STAT1: variants seen among roughly 807,000 people sequenced by gnomAD.
The protein encoded by STAT1 is signal transducer and activator of transcription 1.
A neutral mutation model predicts 111.7 loss-of-function variants in STAT1; 24 were observed. The ratio of observed to expected loss-of-function variants is 0.21; its 90% CI spans 0.16 to 0.30. STAT1 has a LOEUF of 0.30. STAT1 is among the 10% of genes least tolerant of loss of function. STAT1 has a pLI of 1.00. For synonymous variants in STAT1, 332 were observed against 326.5 expected, an observed-to-expected ratio of 1.02 and a Z score of -0.18; for missense variants, 351 against 911.9, an observed-to-expected ratio of 0.38 and a Z score of 7.92.
At position 190,986,183 on chromosome 2, in the gene STAT1, C is replaced by T. The variant is rs547977662; in HGVS notation, c.1222-523G>A. ...CGAGTTAGGTAGAGCTTCCTAGCTA[C>T]GAGGCTTGCTGGATCACAAAGTGGT... is the stretch of plus-strand genomic sequence containing the variant. On this transcript the variant is annotated intron_variant, in intron 14 of 24. Coordinates refer to ENST00000361099, the MANE Select transcript of STAT1 (RefSeq NM_007315.4). This position sits in a 1 kb window ranked among gnomAD's most constrained non-coding sequence, Gnocchi z 5.0. Among the ~76,000 whole-genome samples, 4 of 152,188 alleles carry T rather than the reference C, an allele frequency of 2.6e-5. No individual in the cohort carries two copies. The highest frequency in any genetic ancestry group is 6.5e-5 in the Admixed American group (1 of 15,282).
In STAT1 at chr2:190,970,399, T is replaced by A. The variant is rs190542524; in HGVS notation, c.*304A>T. 32 of 466,810 alleles carry A rather than the reference T, an allele frequency of 6.9e-5. No individual in the cohort carries two copies. In the East Asian group the frequency reaches 1.3e-3, roughly 19 times the overall value. The allele number at this position is 466,810 out of a possible 1,614,324, so 28.9% of individuals were successfully genotyped here. Reference sequence around the variant, plus strand: ...TTGCTAGATGTTGCTTAACTTCTCCTTTCCCAAAGGACCCTCATTCTCGTC... The same window carrying A: ...TTGCTAGATGTTGCTTAACTTCTCCATTCCCAAAGGACCCTCATTCTCGTC... On this transcript the variant is annotated 3_prime_UTR_variant, in exon 25 of 25. Coordinates refer to ENST00000361099, the MANE Select transcript of STAT1 (RefSeq NM_007315.4). This position sits in a 1 kb window ranked among gnomAD's most constrained non-coding sequence, Gnocchi z 5.4.
chr2:190,999,851 C>G lies in STAT1; in HGVS notation c.463-147G>C. On this transcript the variant is annotated intron_variant, in intron 6 of 24. Transcript: ENST00000361099. The surrounding 1 kb of genome is among the most constrained non-coding windows in gnomAD (Gnocchi z 4.1). ...GAGATCTGACTTGGACAGTTCTAATCATATACATGAAATAATTTCGGTTTC... is the reference window on the plus strand; with the variant it reads ...GAGATCTGACTTGGACAGTTCTAATGATATACATGAAATAATTTCGGTTTC... The G allele has an allele frequency of 1.6e-6, 1 of 643,980 alleles. No individual in the cohort carries two copies. The highest frequency in any genetic ancestry group is 2.8e-6 in the Non-Finnish European group (1 of 361,762). 39.9% of individuals were successfully genotyped at this position (643,980 alleles called of 1,614,324 possible).
chr2:190,972,272 CAATT>C (rs1691545010), intron 24 of STAT1, among the ~76,000 whole-genome samples: 1 of 152,226 alleles, frequency 6.6e-6, no homozygotes, highest in South Asian at 2.1e-4. Flanking sequence ...AAGTAGTAGA[CAATT>C]AATAGCTAGT....
chr2:190,972,495 C>G (rs1471156797), intron 24 of STAT1, among the ~76,000 whole-genome samples: 1 of 152,150 alleles, frequency 6.6e-6, no homozygotes, highest in East Asian at 1.9e-4. Flanking sequence ...GGCGTTGGCC[C>G]CTGGTACCAC....
rs1693958316 is a variant in STAT1 at position 190,997,666 on chromosome 2, C to T, written c.785+190G>A. 6.6e-6 allele frequency among the ~76,000 whole-genome samples: 1 copy of T among 152,124 alleles called. No individual in the cohort carries two copies. Among genetic ancestry groups the T allele is most frequent in the Non-Finnish European group, 1.5e-5 (1 of 68,022 alleles). On this transcript the variant is annotated intron_variant, in intron 9 of 24. Coordinates refer to ENST00000361099, the MANE Select transcript of STAT1 (RefSeq NM_007315.4). This position sits in a 1 kb window ranked among gnomAD's most constrained non-coding sequence, Gnocchi z 7.3. ...TCCAAACCAAGCAGACGTGGCTGAA[C>T]GTGGCGAGAGTCATGAATAACACTG...
At position 190,970,835 on chromosome 2, in the gene STAT1, C is replaced by A; in HGVS notation, c.2239-118G>T. The A allele has an allele frequency of 1.0e-6, 1 of 962,984 alleles. No homozygotes were observed. The highest frequency in any genetic ancestry group is 1.3e-5 in the South Asian group (1 of 74,890). 59.7% of individuals were successfully genotyped at this position (962,984 alleles called of 1,614,324 possible). A position where few individuals can be genotyped will look rare whatever the true frequency, so the allele number is the denominator to read the frequency against. ...AGTAGTAGGAAGATACTTGCAATGG[C>A]AAATAAATACCGTGGAATAAGAGGG... On this transcript the variant is annotated intron_variant, in intron 24 of 24. Transcript: ENST00000361099. The surrounding 1 kb of genome is among the most constrained non-coding windows in gnomAD (Gnocchi z 5.4).
Position 190,979,692 on chromosome 2 carries a change from A to G in STAT1, c.1727+80T>C. On this transcript the variant is annotated intron_variant, in intron 20 of 24. Coordinates refer to ENST00000361099, the MANE Select transcript of STAT1 (RefSeq NM_007315.4). This position sits in a 1 kb window ranked among gnomAD's most constrained non-coding sequence, Gnocchi z 5.8. ...GAGATTCACACACGCCTAGTCAAAT[A>G]CTGAAGCTGGACTCAGGCCTTGTCT... 2 of 1,149,650 alleles carry G rather than the reference A, an allele frequency of 1.7e-6. No homozygotes were observed. Among genetic ancestry groups the G allele is most frequent in the Non-Finnish European group, 1.3e-6 (1 of 758,920 alleles). The allele number at this position is 1,149,650 out of a possible 1,614,324, so 71.2% of individuals were successfully genotyped here.
In STAT1 at chr2:190,986,280, A is replaced by C. The variant is rs41484944; in HGVS notation, c.1221+574T>G. On this transcript the variant is annotated intron_variant, in intron 14 of 24. Coordinates refer to ENST00000361099, the MANE Select transcript of STAT1 (RefSeq NM_007315.4). This position sits in a 1 kb window ranked among gnomAD's most constrained non-coding sequence, Gnocchi z 5.0. ...AGGGAAAGCTTCGGACTCAGCACCC[A>C]CAGAGCCTCACAGCAACTGGCAGCC... Among the ~76,000 whole-genome samples the C allele has an allele frequency of 3.0e-3, 458 of 152,276 alleles. 6 individuals are homozygous for C. Among genetic ancestry groups the C allele is most frequent in the African/African-American group, 1.0e-2 (414 of 41,552 alleles).
chr2:191,010,445 T>G (rs772559222), intron 2 of STAT1: 53 of 466,392 alleles, frequency 1.1e-4, no homozygotes, highest in Non-Finnish European at 2.0e-4. Flanking sequence ...TGCACTGGTG[T>G]ATCCCTAGAA....
At chr2:191,011,621 C>A (rs1360636956) in intron 2 of STAT1, among the ~76,000 whole-genome samples, 1 of 152,006 alleles carries the variant, frequency 6.6e-6, no homozygotes, top group Non-Finnish European at 1.5e-5. Context: ...AATATAATTC[C>A]CATGTGTTAA....
Position 191,012,348 on chromosome 2 carries a change from G to A in STAT1, c.-2+1177C>T, listed in dbSNP as rs771338892. Among the ~76,000 whole-genome samples the A allele has an allele frequency of 4.6e-5, 7 of 151,794 alleles. No homozygotes were observed. The East Asian group carries it at 5.9e-4, about 13-fold the overall frequency. On this transcript the variant is annotated intron_variant, in intron 2 of 24. Coordinates refer to ENST00000361099, the MANE Select transcript of STAT1 (RefSeq NM_007315.4). This position sits in a 1 kb window ranked among gnomAD's most constrained non-coding sequence, Gnocchi z 4.0. ...GGGGAATTGCTTGAACCCAGGAGGC[G>A]GAGGTTGCAGTGAGCTGAGATCGCG...
In STAT1 at chr2:190,975,020, A is replaced by T. The variant is rs1243859186; in HGVS notation, c.2136-88T>A. ...CTTACACACTTTATCTTTTGTCTGT[A>T]ATTGAATTATCACGTTATATTTTTA... On this transcript the variant is annotated intron_variant, in intron 23 of 24. Coordinates refer to ENST00000361099, the MANE Select transcript of STAT1 (RefSeq NM_007315.4). This position sits in a 1 kb window ranked among gnomAD's most constrained non-coding sequence, Gnocchi z 5.9. 5.9e-6 allele frequency: 6 copies of T among 1,013,194 alleles called. No homozygotes were observed. The African/African-American group carries it at 9.5e-5, about 16-fold the overall frequency. 62.8% of individuals were successfully genotyped at this position (1,013,194 alleles called of 1,614,324 possible). A position where few individuals can be genotyped will look rare whatever the true frequency, so the allele number is the denominator to read the frequency against.
intron 5 of STAT1, among the ~76,000 whole-genome samples, chr2:191,001,761 A>C (rs756735107): frequency 1.3e-4 from 20 of 152,320 alleles, no homozygotes; most frequent in Admixed American, 2.6e-4. Context: ...TATTTTTGAT[A>C]ATCAGAACAC....
At position 190,982,071 on chromosome 2, in the gene STAT1, C is replaced by T. The variant is rs1410032634; in HGVS notation, c.1582+312G>A. 1.3e-5 allele frequency among the ~76,000 whole-genome samples: 2 copies of T among 152,206 alleles called. No individual in the cohort carries two copies. Among genetic ancestry groups the T allele is most frequent in the African/African-American group, 4.8e-5 (2 of 41,452 alleles). On this transcript the variant is annotated intron_variant, in intron 18 of 24. Transcript: ENST00000361099. The surrounding 1 kb of genome is among the most constrained non-coding windows in gnomAD (Gnocchi z 7.3). ...TAATGGTTAATAGGCCTTCATCTTT[C>T]TCATCCAGGAACTTATTTCAGCCAC...
At chr2:190,992,793 CTTTTT>C (rs112075173) in intron 10 of STAT1, 2 of 376,032 alleles carry the variant, frequency 5.3e-6, no homozygotes, top group South Asian at 5.6e-5. Flanking sequence ...TGCATTCTTT[CTTTTT>C]TTTTTTTTTG....
rs778900428 is a variant in STAT1 at position 190,974,872 on chromosome 2, G to A, written c.2196C>T (p.Asp732=). The A allele has an allele frequency of 1.7e-5, 28 of 1,614,050 alleles. No individual in the cohort carries two copies. The highest frequency in any genetic ancestry group is 2.2e-5 in the East Asian group (1 of 44,894). Residue 732 remains aspartate, a synonymous_variant, in exon 24 of 25, where the codon GAC becomes GAT. Transcript: ENST00000361099. The surrounding 1 kb of genome is among the most constrained non-coding windows in gnomAD (Gnocchi z 4.8). ...CAGAGCCCACTATCCGAGACACCTCGTCAAACTCCTCAGGAGACATGGGGA... is the reference window on the plus strand; with the variant it reads ...CAGAGCCCACTATCCGAGACACCTCATCAAACTCCTCAGGAGACATGGGGA... ...NLLPMSPEEF[D]EVSRIVGSVE...
In STAT1 at chr2:190,998,497, T is replaced by C. The variant is rs1559019372; in HGVS notation, c.542-189A>G. Among the ~76,000 whole-genome samples, 1 of 151,644 alleles carries C rather than the reference T, an allele frequency of 6.6e-6. No individual in the cohort carries two copies. The highest frequency in any genetic ancestry group is 1.5e-5 in the Non-Finnish European group (1 of 67,924). ...AACAACTAGACACACTGAAACAAAA[T>C]ACTTGTTTTCAAAAATTAGCCGGGC... On this transcript the variant is annotated intron_variant, in intron 7 of 24. Coordinates refer to ENST00000361099, the MANE Select transcript of STAT1 (RefSeq NM_007315.4). This position sits in a 1 kb window ranked among gnomAD's most constrained non-coding sequence, Gnocchi z 4.1.
chr2:191,001,674 A>C (rs1477827325), intron 5 of STAT1, among the ~76,000 whole-genome samples: 1 of 152,184 alleles, frequency 6.6e-6, no homozygotes, highest in Non-Finnish European at 1.5e-5. Flanking sequence ...TCACTCCATT[A>C]AGGCCATCAA....
Position 190,986,116 on chromosome 2 carries a change from C to T in STAT1, c.1222-456G>A, listed in dbSNP as rs1017575293. ...AGGGAGCAGGCTGGGGCCCTGAGGG[C>T]GGCTCTGAATACCCTCAGGCACCTG... On this transcript the variant is annotated intron_variant, in intron 14 of 24. Transcript: ENST00000361099. This position sits in a 1 kb window ranked among gnomAD's most constrained non-coding sequence, Gnocchi z 5.0. 8.5e-5 allele frequency among the ~76,000 whole-genome samples: 13 copies of T among 152,182 alleles called. No individual in the cohort carries two copies. Among genetic ancestry groups the T allele is most frequent in the East Asian group, 1.9e-4 (1 of 5,196 alleles).
Sources: gnomAD v4.1 joint callset for allele counts (sites outside exome capture counted in the v4.1 genomes callset) on GRCh38, gnomAD v4.1.1 for gene constraint, Gnocchi (gnomAD v3.1) non-coding constraint, MANE v1.5 for transcripts, NCBI Gene and HGNC (gene_info 2026-07-23, HGNC 2026-07-21) for gene names.